CCDC141: variants seen among roughly 807,000 people sequenced by gnomAD.
CCDC141 encodes the protein coiled-coil domain-containing protein 141.
Under a neutral mutation model 181.0 loss-of-function variants are expected in CCDC141, and 168 were observed. That is an observed-to-expected ratio of 0.93 (90% CI 0.82 to 1.05). The LOEUF (loss-of-function observed/expected upper bound fraction) is 1.05. Ranked by LOEUF, CCDC141 falls within the 50% of genes least tolerant of loss-of-function variation. The pLI, the probability that CCDC141 is intolerant of heterozygous loss-of-function variation, is 0.00. For synonymous variants in CCDC141, 666 were observed against 642.3 expected, an observed-to-expected ratio of 1.04 and a Z score of -0.56; for missense variants, 1,902 against 1,788.5, an observed-to-expected ratio of 1.06 and a Z score of -1.14.
At chr2:178,937,704 A>G (rs950813536) in intron 6 of CCDC141, among the ~76,000 whole-genome samples, 1 of 151,810 alleles carries the variant, frequency 6.6e-6, no homozygotes, top group Non-Finnish European at 1.5e-5. Flanking sequence ...ATCTGGTCTT[A>G]GGCATTTTTT....
At chr2:178,976,826 AGTTT>A (rs1201191045) in intron 3 of CCDC141, among the ~76,000 whole-genome samples, 4 of 152,304 alleles carry the variant, frequency 2.6e-5, no homozygotes, top group South Asian at 2.1e-4. Context: ...CCTAGCAGGT[AGTTT>A]GTTTGTTACC....
intron 2 of CCDC141, among the ~76,000 whole-genome samples, chr2:178,983,772 A>G (rs1374795749): frequency 1.3e-5 from 2 of 152,008 alleles, no homozygotes; most frequent in African/African-American, 4.8e-5. Flanking sequence ...AGAAAAAAGA[A>G]TAAAAAGAAA....
chr2:179,037,903 T>G (rs1201339663), intron 2 of CCDC141, among the ~76,000 whole-genome samples: 2 of 152,240 alleles, frequency 1.3e-5, no homozygotes, highest in Non-Finnish European at 2.9e-5. Context: ...CATATAATGT[T>G]GGTGGGAACA....
intron 8 of CCDC141, among the ~76,000 whole-genome samples, chr2:178,902,062 C>G (rs992478579): frequency 2.0e-5 from 3 of 152,052 alleles, no homozygotes; most frequent in Admixed American, 6.5e-5. Flanking sequence ...TGTGAAGGAC[C>G]TCTTCAAGGA....
intron 6 of CCDC141, among the ~76,000 whole-genome samples, chr2:178,944,248 A>G (rs1689636384): frequency 6.6e-6 from 1 of 152,186 alleles, no homozygotes; most frequent in African/African-American, 2.4e-5. Flanking sequence ...GGGTTTTATG[A>G]TAATTTAGAT....
At chr2:179,025,811 C>T (rs2042827327) in intron 2 of CCDC141, among the ~76,000 whole-genome samples, 1 of 152,132 alleles carries the variant, frequency 6.6e-6, no homozygotes, top group Non-Finnish European at 1.5e-5. Flanking sequence ...TCCAAAATGC[C>T]ACAGTGATAT....
chr2:178,820,622 T>G, the CCDC141 span, among the ~76,000 whole-genome samples: 10 of 152,202 alleles, frequency 6.6e-5, no homozygotes, highest in Non-Finnish European at 1.5e-4. Context: ...TCCCTGAGAA[T>G]GAGATCTAAA....
chr2:178,944,694 A>G, intron 5 of CCDC141, 43 bp from the exon 6 acceptor site: 1 of 812,542 alleles, frequency 1.2e-6, no homozygotes, highest in Non-Finnish European at 1.9e-6. Context: ...TCAAATGATC[A>G]GAATAAGTGA....
chr2:178,996,581 C>A (rs1692298363), intron 2 of CCDC141, among the ~76,000 whole-genome samples: 1 of 152,146 alleles, frequency 6.6e-6, no homozygotes, highest in African/African-American at 2.4e-5. Flanking sequence ...TTGTTAAACA[C>A]ATAAAATAAG....
intron 16 of CCDC141, among the ~76,000 whole-genome samples, chr2:178,867,464 CT>C (rs1184910105): frequency 6.6e-6 from 1 of 152,124 alleles, no homozygotes; most frequent in African/African-American, 2.4e-5. Context: ...AATGTGATTG[CT>C]TTTCATAATA....
At chr2:178,909,805 C>T (rs972648414) in intron 7 of CCDC141, among the ~76,000 whole-genome samples, 2 of 152,182 alleles carry the variant, frequency 1.3e-5, no homozygotes, top group African/African-American at 4.8e-5. Context: ...AACACTGTGA[C>T]CCCCATGTAA....
intron 2 of CCDC141, among the ~76,000 whole-genome samples, chr2:179,026,744 A>G (rs1305911419): frequency 2.0e-5 from 3 of 152,244 alleles, no homozygotes; most frequent in African/African-American, 7.2e-5. Context: ...GAAAGCAGCC[A>G]GGAGGGAGGC....
At chr2:178,928,965 A>G (rs937573380) in intron 6 of CCDC141, among the ~76,000 whole-genome samples, 9 of 152,232 alleles carry the variant, frequency 5.9e-5, no homozygotes, top group African/African-American at 1.9e-4. Flanking sequence ...TTTCTAATTT[A>G]TGTTCTGTGA....
At chr2:178,953,232 C>T (rs988393182) in intron 5 of CCDC141, among the ~76,000 whole-genome samples, 4 of 152,076 alleles carry the variant, frequency 2.6e-5, no homozygotes, top group Non-Finnish European at 2.9e-5. Context: ...GTCAGAAGAT[C>T]GAGACCATCC....
At chr2:178,971,898 G>A (rs923543461) in intron 4 of CCDC141, among the ~76,000 whole-genome samples, 4 of 151,928 alleles carry the variant, frequency 2.6e-5, no homozygotes, top group Non-Finnish European at 4.4e-5. Context: ...ACACAGGGAG[G>A]GGAACATCAC....
Position 178,869,306 on chromosome 2 carries a change from C to A in CCDC141, c.2206-1G>T. ...TGTACTGAACCTCATCATTCAATTG[C>A]TAAAACATTGAAAGCAATAAAAAAA... On this transcript the variant is annotated splice_acceptor_variant, in intron 14 of 23. Coordinates refer to ENST00000443758, the MANE Select transcript of CCDC141 (RefSeq NM_173648.4). LOFTEE classifies it high-confidence loss of function. 6.4e-7 allele frequency: 1 copy of A among 1,569,450 alleles called. No homozygotes were observed. Among genetic ancestry groups the A allele is most frequent in the Non-Finnish European group, 8.6e-7 (1 of 1,164,508 alleles).
intron 3 of CCDC141, among the ~76,000 whole-genome samples, chr2:178,977,886 A>G (rs957416349): frequency 2.6e-5 from 4 of 152,190 alleles, no homozygotes; most frequent in Non-Finnish European, 5.9e-5. Context: ...AAAAAATTGT[A>G]GAATTCGAGA....
chr2:179,045,555 T>C (rs1288064751), intron 2 of CCDC141, among the ~76,000 whole-genome samples: 2 of 152,028 alleles, frequency 1.3e-5, no homozygotes, highest in African/African-American at 4.8e-5. Context: ...TCAAATGGTA[T>C]TTCTAGTTCT....
chr2:178,818,859 C>A, the CCDC141 span, among the ~76,000 whole-genome samples: 210 of 152,284 alleles, frequency 1.4e-3, 1 homozygote, highest in East Asian at 0.029. Context: ...ACCACACTGT[C>A]TTCCACAATT....
Sources: gnomAD v4.1 joint callset for allele counts (sites outside exome capture counted in the v4.1 genomes callset) on GRCh38, gnomAD v4.1.1 for gene constraint, MANE v1.5 for transcripts, NCBI Gene and HGNC (gene_info 2026-07-23, HGNC 2026-07-21) for gene names.